The following NEK10 variants were observed in gnomAD, a reference collection of about 807,000 sequenced individuals.
NEK10 encodes serine/threonine-protein kinase Nek10.
In NEK10, 122 loss-of-function variants were observed where a neutral mutation model predicts 159.8. The ratio of observed to expected loss-of-function variants is 0.76; its 90% CI spans 0.66 to 0.89. NEK10 has a LOEUF of 0.89. NEK10 is among the 40% of genes least tolerant of loss of function. The pLI, the probability that NEK10 is intolerant of heterozygous loss-of-function variation, is 0.00. For synonymous variants in NEK10, 466 were observed against 457.1 expected, an observed-to-expected ratio of 1.02 and a Z score of -0.25; for missense variants, 1,342 against 1,323.1, an observed-to-expected ratio of 1.01 and a Z score of -0.22.
At chr3:27,152,875 C>T (rs1208533474) in intron 30 of NEK10, among the ~76,000 whole-genome samples, 2 of 151,526 alleles carry the variant, frequency 1.3e-5, no homozygotes, top group Non-Finnish European at 2.9e-5. Flanking sequence ...TTATATCAGA[C>T]AAAAAAAACT....
chr3:27,191,286 C>A (rs1209389428), intron 26 of NEK10, among the ~76,000 whole-genome samples: 1 of 151,698 alleles, frequency 6.6e-6, no homozygotes, highest in African/African-American at 2.4e-5. Context: ...TTGGGCCCAC[C>A]CCCAGAACAG....
intron 30 of NEK10, chr3:27,162,166 T>C (rs1270362110): frequency 3.0e-6 from 1 of 334,548 alleles, no homozygotes; most frequent in Non-Finnish European, 5.5e-6. Flanking sequence ...GTTACTATTT[T>C]TTGTTTGTAG....
chr3:27,199,464 C>G (rs906362609), intron 25 of NEK10, among the ~76,000 whole-genome samples: 1 of 152,066 alleles, frequency 6.6e-6, no homozygotes, highest in African/African-American at 2.4e-5. Context: ...ATAACAGATG[C>G]TGGAAAGGTT....
intron 25 of NEK10, among the ~76,000 whole-genome samples, chr3:27,193,031 G>A (rs1949247531): frequency 6.6e-6 from 1 of 152,120 alleles, no homozygotes; most frequent in African/African-American, 2.4e-5. Context: ...CTGTAAAATG[G>A]GATAATTATA....
At chr3:27,243,555 A>G (rs1559351174) in intron 23 of NEK10, among the ~76,000 whole-genome samples, 1 of 152,158 alleles carries the variant, frequency 6.6e-6, no homozygotes, top group Non-Finnish European at 1.5e-5. Flanking sequence ...TTATCCGTCA[A>G]CCAGACTCCC....
At chr3:27,131,015 T>G (rs775562589) in intron 32 of NEK10, among the ~76,000 whole-genome samples, 9 of 152,222 alleles carry the variant, frequency 5.9e-5, no homozygotes, top group Non-Finnish European at 1.0e-4. Context: ...GAATGTTGTT[T>G]GCATTTCTTA....
At chr3:27,191,893 AT>A in intron 26 of NEK10, 135 bp downstream of exon 26, 1 of 648,308 alleles carries the variant, frequency 1.5e-6, no homozygotes, top group Non-Finnish European at 2.7e-6. Context: ...ATGGATATAA[AT>A]ATGTAACTAT....
In NEK10 at chr3:27,277,175, A is replaced by G. The variant is rs115430787; in HGVS notation, c.2014+7427T>C. ...CTGGAGCTCTGGCAACCATCCTGTG[A>G]CTATGAGATGACAAACATATGGAGA... On this transcript the variant is annotated intron_variant, in intron 22 of 35. Coordinates refer to ENST00000691995, the MANE Select transcript of NEK10 (RefSeq NM_001394966.1). 4.7e-3 allele frequency among the ~76,000 whole-genome samples: 720 copies of G among 152,270 alleles called. 12 individuals carry two copies. Among genetic ancestry groups the G allele is most frequent in the African/African-American group, 0.017 (688 of 41,560 alleles).
intron 16 of NEK10, among the ~76,000 whole-genome samples, chr3:27,292,205 A>T (rs1460275167): frequency 6.6e-6 from 1 of 152,186 alleles, no homozygotes; most frequent in African/African-American, 2.4e-5. Context: ...TATTTTTACC[A>T]TAATTTAAAA....
rs1401723780 is a variant in NEK10, at chr3:27,119,257, C to T, written c.3190+503G>A. ...ATAGTCAGCTACTAAATGGTTTAGC[C>T]AAGATTTGAATCTAGGCACCCAGGT... On this transcript the variant is annotated intron_variant, in intron 33 of 35. Transcript: ENST00000691995. Among the ~76,000 whole-genome samples, 7 of 152,260 alleles carry T rather than the reference C, an allele frequency of 4.6e-5. No individual in the cohort carries two copies. The South Asian group carries it at 1.2e-3, about 27-fold the overall frequency.
At chr3:27,291,227 G>C (rs760229626) in intron 18 of NEK10, 35 bp downstream of exon 18, 1 of 1,597,278 alleles carries the variant, frequency 6.3e-7, no homozygotes, top group African/African-American at 1.3e-5. Context: ...GGTTTGGTTG[G>C]GAGTATCAGA....
At chr3:27,274,275 C>A (rs1027841960) in intron 22 of NEK10, among the ~76,000 whole-genome samples, 1 of 152,130 alleles carries the variant, frequency 6.6e-6, no homozygotes, top group East Asian at 1.9e-4. Context: ...TATGATGACA[C>A]AGAGCTTCAT....
intron 35 of NEK10, among the ~76,000 whole-genome samples, chr3:27,112,080 C>T (rs1025198930): frequency 1.3e-5 from 2 of 152,136 alleles, no homozygotes; most frequent in African/African-American, 2.4e-5. Context: ...GTCAGAGGTC[C>T]TTGCTGCTCT....
intron 5 of NEK10, among the ~76,000 whole-genome samples, chr3:27,333,216 C>T (rs990805661): frequency 7.9e-5 from 12 of 152,070 alleles, no homozygotes; most frequent in Non-Finnish European, 1.6e-4. Context: ...TCCACATTAT[C>T]ACCATGGACT....
At chr3:27,317,091 A>G (rs969709961) in intron 6 of NEK10, among the ~76,000 whole-genome samples, 23 of 152,328 alleles carry the variant, frequency 1.5e-4, no homozygotes, top group African/African-American at 5.3e-4. Context: ...TTTTGTCATT[A>G]TGTTATGTAC....
At position 27,143,482 on chromosome 3, in the gene NEK10, C is replaced by G. The variant is rs1314891280; in HGVS notation, c.2870-1900G>C. The G allele has an allele frequency of 5.3e-6, 4 of 760,038 alleles. No homozygotes were observed. The East Asian group carries it at 9.8e-5, about 19-fold the overall frequency. The allele number at this position is 760,038 out of a possible 1,614,324, so 47.1% of individuals were successfully genotyped here. ...ATGTGCCCATCTGTGGCCCTAAATA[C>G]AAAAACAAAGAGTTAGCTAGAATGT... On this transcript the variant is annotated intron_variant, in intron 30 of 35. Transcript: ENST00000691995.
At chr3:27,200,417 G>A (rs1949949050) in intron 25 of NEK10, among the ~76,000 whole-genome samples, 1 of 151,996 alleles carries the variant, frequency 6.6e-6, no homozygotes, top group Admixed American at 6.6e-5. Context: ...CAGTTTGATG[G>A]GATGGAGAAA....
chr3:27,150,601 ATTGATGTTC>A (rs1944734804), intron 30 of NEK10, among the ~76,000 whole-genome samples: 1 of 152,216 alleles, frequency 6.6e-6, no homozygotes, highest in Non-Finnish European at 1.5e-5. Flanking sequence ...CTATCAAAAT[ATTGATGTTC>A]TTTGACAAAA....
At chr3:27,275,210 TTCTTA>T (rs2041682891) in intron 22 of NEK10, among the ~76,000 whole-genome samples, 1 of 152,216 alleles carries the variant, frequency 6.6e-6, no homozygotes, top group Non-Finnish European at 1.5e-5. Context: ...CGAATTCCCA[TTCTTA>T]TCTTTTTCTT....
Sources: allele counts gnomAD v4.1 joint callset (sites outside exome capture counted in the v4.1 genomes callset), GRCh38; gene constraint gnomAD v4.1.1; transcripts MANE v1.5; gene names NCBI Gene and HGNC (gene_info 2026-07-23, HGNC 2026-07-21).